The following EXD3 variants were observed in gnomAD, a reference collection of about 807,000 sequenced individuals.
EXD3 encodes exonuclease 3'-5' domain containing 3, also known as exonuclease mut-7 homolog.
A neutral mutation model predicts 98.0 loss-of-function variants in EXD3; 92 were observed. The ratio of observed to expected loss-of-function variants is 0.94; its 90% confidence interval spans 0.79 to 1.12. EXD3 has a LOEUF of 1.12. EXD3 is among the 50% of genes most tolerant of loss of function. EXD3 has a pLI of 0.00. For missense variants in EXD3, 1,222 were observed against 1,191.6 expected (o/e 1.03, Z -0.38); for synonymous variants, 569 against 526.0 (o/e 1.08, Z -1.12).
At chr9:137,341,496 G>C (rs954760372) in intron 17 of EXD3, among the ~76,000 whole-genome samples, 1 of 151,124 alleles carries the variant, frequency 6.6e-6, no homozygotes. Flanking sequence ...CCCAGGAAAC[G>C]GGGCTCAGGC....
At chr9:137,383,918 G>A (rs1836453198) in intron 2 of EXD3, among the ~76,000 whole-genome samples, 1 of 152,220 alleles carries the variant, frequency 6.6e-6, no homozygotes. Context: ...CACGGACAGG[G>A]CCACCAGAGC....
intron 3 of EXD3, among the ~76,000 whole-genome samples, chr9:137,382,580 C>T (rs1013711358): frequency 5.9e-5 from 9 of 152,154 alleles, no homozygotes; most frequent in South Asian, 2.1e-4. Flanking sequence ...GATGGACAAA[C>T]GAAAGCTGGC....
At chr9:137,374,626 A>G in intron 3 of EXD3, 1 of 985,512 alleles carries the variant, frequency 1.0e-6, no homozygotes. Context: ...GTGTGTGAGG[A>G]GACCTCAGCG....
At chr9:137,326,517 C>A (rs570105770) in intron 17 of EXD3, among the ~76,000 whole-genome samples, 2 of 152,156 alleles carry the variant, frequency 1.3e-5, no homozygotes, top group East Asian at 3.9e-4. Context: ...CAAAGTGAGA[C>A]CTTATCTCAA....
In EXD3 at chr9:137,381,693, A is replaced by G. The variant is rs151235926; in HGVS notation, c.120+1620T>C. Among the ~76,000 whole-genome samples the G allele has an allele frequency of 9.1e-3, 1,390 of 152,212 alleles. 9 individuals are homozygous for G. Among genetic ancestry groups the G allele is most frequent in the African/African-American group, 0.03 (1,250 of 41,532 alleles). On this transcript the variant is annotated intron_variant, in intron 3 of 21. Coordinates refer to ENST00000340951, the MANE Select transcript of EXD3 (RefSeq NM_017820.5). ...CCCCTTTATACTGCAGACCGCCCCA[A>G]GGAGTTCTCCAAAATCCTGGTCTTC...
rs137950417 is a variant in EXD3, at chr9:137,406,114, G to A, written c.-47-10710C>T. Among the ~76,000 whole-genome samples the A allele has an allele frequency of 9.0e-3, 1,364 of 152,000 alleles. 20 individuals are homozygous for A. Among genetic ancestry groups the A allele is most frequent in the African/African-American group, 0.031 (1,284 of 41,426 alleles). On this transcript the variant is annotated intron_variant, in intron 1 of 21. Transcript: ENST00000340951. ...ACCTGTAGTCCCAGCTACTCAGGAG[G>A]CTGAGGTGGGAGGACCGCTTGAGCC... is the stretch of plus-strand genomic sequence containing the variant.
chr9:137,357,997 G>A (rs546673415), intron 7 of EXD3, among the ~76,000 whole-genome samples: 3 of 152,024 alleles, frequency 2.0e-5, no homozygotes, highest in South Asian at 4.2e-4. Flanking sequence ...CTGATGAGAC[G>A]GTGCCCACTG....
rs1417016358 is a variant in EXD3 at position 137,400,518 on chromosome 9, C to A, written c.-47-5114G>T. On this transcript the variant is annotated intron_variant, in intron 1 of 21. Coordinates refer to ENST00000340951, the MANE Select transcript of EXD3 (RefSeq NM_017820.5). Reference sequence around the variant, plus strand: ...TGGTGGCTCATTCTTATAATCCCAGCACTTTGGGAGGCCGAGGAGGGTGGA... The same window carrying A: ...TGGTGGCTCATTCTTATAATCCCAGAACTTTGGGAGGCCGAGGAGGGTGGA... Among the ~76,000 whole-genome samples the A allele has an allele frequency of 1.3e-5, 2 of 152,194 alleles. 1 individual carries two copies. Among genetic ancestry groups the A allele is most frequent in the Admixed American group, 1.3e-4 (2 of 15,284 alleles).
intron 3 of EXD3, among the ~76,000 whole-genome samples, chr9:137,378,490 C>T (rs1564191316): frequency 1.3e-5 from 2 of 152,180 alleles, no homozygotes; most frequent in Admixed American, 1.3e-4. Context: ...GGATTACAGC[C>T]GTGAGCCACC....
chr9:137,325,389 G>A (rs917675303), intron 17 of EXD3, among the ~76,000 whole-genome samples: 3 of 152,304 alleles, frequency 2.0e-5, no homozygotes, highest in East Asian at 3.9e-4. Context: ...AGGAGGACAC[G>A]GGACACCTTT....
chr9:137,380,675 C>T (rs1221539313), intron 3 of EXD3, among the ~76,000 whole-genome samples: 1 of 68,256 alleles, frequency 1.5e-5, no homozygotes, highest in Admixed American at 1.4e-4. Context: ...CTGGGCATCC[C>T]CCCCAATCCC....
chr9:137,415,051 C>G (rs541942691), intron 1 of EXD3, among the ~76,000 whole-genome samples: 1 of 151,782 alleles, frequency 6.6e-6, no homozygotes, highest in Non-Finnish European at 1.5e-5. Context: ...CCACGCCCAG[C>G]TAATTTTTGT....
At chr9:137,398,137 T>C (rs1057441446) in intron 1 of EXD3, among the ~76,000 whole-genome samples, 3 of 152,306 alleles carry the variant, frequency 2.0e-5, no homozygotes, top group Admixed American at 6.5e-5. Context: ...TCAGTGAATC[T>C]GAAAACAGAT....
rs1179969698 is a variant in EXD3 at position 137,360,338 on chromosome 9, C to T, written c.657-3970G>A. On this transcript the variant is annotated intron_variant, in intron 7 of 21. Transcript: ENST00000340951. ...AAATATGTACTGTAAATAATCTTCT[C>T]TTGGTCTGGAAGTTGCCTTTTCACT... Among the ~76,000 whole-genome samples, 2 of 85,788 alleles carry T rather than the reference C, an allele frequency of 2.3e-5. 1 individual carries two copies. Among genetic ancestry groups the T allele is most frequent in the Non-Finnish European group, 5.7e-5 (2 of 35,096 alleles). The allele number at this position is 85,788 out of a possible 152,430, so 56.3% of individuals were successfully genotyped here. A position where few individuals can be genotyped will look rare whatever the true frequency, so the allele number is the denominator to read the frequency against.
At chr9:137,312,970 T>A (rs1325771783) in intron 19 of EXD3, among the ~76,000 whole-genome samples, 1 of 152,162 alleles carries the variant, frequency 6.6e-6, no homozygotes, top group Non-Finnish European at 1.5e-5. Context: ...GCTGCAGGCC[T>A]GCAGGTGTGC....
intron 3 of EXD3, among the ~76,000 whole-genome samples, chr9:137,374,062 C>T (rs372060769): frequency 4.3e-4 from 66 of 152,350 alleles, no homozygotes; most frequent in African/African-American, 1.3e-3. Context: ...AAGAGGTGGA[C>T]GAAGAGAAGC....
intron 1 of EXD3, among the ~76,000 whole-genome samples, chr9:137,400,967 A>G (rs976818508): frequency 1.3e-5 from 2 of 152,038 alleles, no homozygotes; most frequent in Non-Finnish European, 2.9e-5. Context: ...GTGACTCTGC[A>G]TGGTACAGCC....
At chr9:137,374,359 G>A (rs1835790191) in intron 3 of EXD3, among the ~76,000 whole-genome samples, 1 of 152,236 alleles carries the variant, frequency 6.6e-6, no homozygotes, top group Non-Finnish European at 1.5e-5. Flanking sequence ...GTTCCCAGCT[G>A]CTGGCTCCAG....
chr9:137,324,893 C>T lies in EXD3; in HGVS notation c.1999-750G>A, dbSNP rs1166751261. ...ATTTTTAGTAGAGACGGGGTTTCAC[C>T]GTGTTAGCCAGGATGGTCTCGATCT... On this transcript the variant is annotated intron_variant, in intron 17 of 21. Coordinates refer to ENST00000340951, the MANE Select transcript of EXD3 (RefSeq NM_017820.5). The surrounding 1 kb of genome is among the most constrained non-coding windows in gnomAD (Gnocchi z 4.1). Among the ~76,000 whole-genome samples the T allele has an allele frequency of 5.9e-5, 9 of 151,950 alleles. No homozygotes were observed. The highest frequency in any genetic ancestry group is 1.9e-4 in the African/African-American group (8 of 41,350).
Sources: allele counts gnomAD v4.1 joint callset (sites outside exome capture counted in the v4.1 genomes callset), GRCh38; gene constraint gnomAD v4.1.1; non-coding constraint Gnocchi (gnomAD v3.1); transcripts MANE v1.5; gene names NCBI Gene and HGNC (gene_info 2026-07-23, HGNC 2026-07-21).